Variants in ZNF131 observed in about 807,000 individuals in gnomAD.
ZNF131 encodes the protein zinc finger and BTB domain containing 35.
ZNF131 carries 7 observed loss-of-function variants against 60.0 expected under a neutral mutation model. The observed-to-expected ratio is 0.12, with a 90% confidence interval of 0.07 to 0.22. ZNF131 has a LOEUF of 0.22. Among genes scored for constraint, ZNF131 ranks in the 10% least tolerant of loss-of-function variants. The pLI is 1.00. For synonymous variants in ZNF131, 257 were observed against 253.2 expected, an observed-to-expected ratio of 1.01 and a Z score of -0.14; for missense variants, 493 against 740.9, an observed-to-expected ratio of 0.67 and a Z score of 3.88.
chr5:43,160,677 A>ATTTTTTTTTTTTTT (rs1749569232), intron 4 of ZNF131, among the ~76,000 whole-genome samples: 1 of 121,086 alleles, frequency 8.3e-6, no homozygotes, highest in African/African-American at 2.9e-5. Flanking sequence ...TTAGCTTGGA[A>ATTTTTTTTTTTTTT]CTTTTTTTTT....
intron 5 of ZNF131, among the ~76,000 whole-genome samples, chr5:43,169,720 A>G (rs1361689415): frequency 3.9e-5 from 6 of 152,074 alleles, no homozygotes; most frequent in Non-Finnish European, 8.8e-5. Flanking sequence ...ATACTTGTAC[A>G]TATGCCTTTT....
chr5:43,135,330 CTG>C (rs143091424), intron 3 of ZNF131, among the ~76,000 whole-genome samples: 14,745 of 152,022 alleles, frequency 0.097, 842 homozygotes, highest in East Asian at 0.19. Flanking sequence ...AATGAACTAT[CTG>C]GAAAGGAAAT....
chr5:43,165,915 A>G (rs1283271757), intron 5 of ZNF131, among the ~76,000 whole-genome samples: 1 of 152,256 alleles, frequency 6.6e-6, no homozygotes, highest in African/African-American at 2.4e-5. Context: ...TTAACTAGGT[A>G]TTCTGGATAA....
chr5:43,172,041 TTTGGCCTTGTAGGCC>T (rs1409892389), intron 5 of ZNF131, among the ~76,000 whole-genome samples: 1 of 152,242 alleles, frequency 6.6e-6, no homozygotes, highest in Non-Finnish European at 1.5e-5. Context: ...AGCCACCATG[TTTGGCCTTGTAGGCC>T]TTCTTAAAGG....
At chr5:43,139,053 T>G in intron 3 of ZNF131, 112 bp from the exon 4 acceptor site, 4 of 970,950 alleles carry the variant, frequency 4.1e-6, no homozygotes, top group Non-Finnish European at 5.6e-6. Context: ...GAAAATAGTT[T>G]TCAAAAATAA....
chr5:43,154,892 A>AG (rs1748771469), intron 4 of ZNF131, among the ~76,000 whole-genome samples: 1 of 152,224 alleles, frequency 6.6e-6, no homozygotes, highest in Non-Finnish European at 1.5e-5. Flanking sequence ...TCCAAGTAGC[A>AG]GACTAAACAG....
At position 43,161,312 on chromosome 5, in the gene ZNF131, G is replaced by A. The variant is rs202156596; in HGVS notation, c.435G>A (p.Arg145=). 366 of 1,613,466 alleles carry A rather than the reference G, an allele frequency of 2.3e-4. 1 individual carries two copies. Among genetic ancestry groups the A allele is most frequent in the Middle Eastern group, 8.2e-4 (5 of 6,084 alleles). Residue 145 remains arginine (R), a synonymous_variant, in exon 5 of 7, where the codon AGG becomes AGA. Transcript: ENST00000682664. ...CAGGAAAAAATGAGGCCAAAAAAAG[G>A]AAGATTGCAGAAACTTCAAATGTTA... is the stretch of plus-strand genomic sequence containing the variant. ...NTTGKNEAKK[R]KIAETSNVIT...
rs1749726232 is a variant in ZNF131 at position 43,161,800 on chromosome 5, A to G, written c.923A>G (p.Asn308Ser). The G allele has an allele frequency of 6.2e-7, 1 of 1,614,108 alleles. No homozygotes were observed. Among genetic ancestry groups the G allele is most frequent in the African/African-American group, 1.3e-5 (1 of 74,930 alleles). Residue 308 changes from asparagine (N) to serine (S), a missense_variant, in exon 5 of 7, where the codon AAT (asparagine) becomes AGT (serine). This residue lies in a region of ZNF131 where 26 missense variants were observed against 63.3 expected (regional missense o/e 0.41). Coordinates refer to ENST00000682664, the MANE Select transcript of ZNF131 (RefSeq NM_001330707.2). Reference sequence around the variant, plus strand: ...GAGAGCGCATGGAAACAGCACCTAAATTGTTACCACCTTGAAGAAGGTGGA... The same window carrying G: ...GAGAGCGCATGGAAACAGCACCTAAGTTGTTACCACCTTGAAGAAGGTGGA... ...LRESAWKQHL[N>S]CYHLEEGGVS...
chr5:43,145,846 T>G (rs1399860150), intron 4 of ZNF131, among the ~76,000 whole-genome samples: 2 of 152,204 alleles, frequency 1.3e-5, no homozygotes, highest in Non-Finnish European at 2.9e-5. Context: ...TAATAAATTC[T>G]AGTAGTTATT....
chr5:43,135,496 C>G (rs1479131380), intron 3 of ZNF131, among the ~76,000 whole-genome samples: 1 of 150,570 alleles, frequency 6.6e-6, no homozygotes, highest in African/African-American at 2.4e-5. Flanking sequence ...CGCCTGTAAT[C>G]CCAGCACTTT....
intron 4 of ZNF131, among the ~76,000 whole-genome samples, chr5:43,145,700 T>G (rs1273676367): frequency 6.6e-6 from 1 of 152,136 alleles, no homozygotes; most frequent in Non-Finnish European, 1.5e-5. Context: ...CCTCAACACT[T>G]GTACTTGAAA....
rs70991484 is a variant in ZNF131, at chr5:43,136,476, CTTTTTTTTTT to C, written c.227-2668_227-2659del. Among the ~76,000 whole-genome samples the C allele has an allele frequency of 6.8e-3, 475 of 70,068 alleles. 1 individual carries two copies. Among genetic ancestry groups the C allele is most frequent in the Middle Eastern group, 0.021 (2 of 94 alleles). The allele number at this position is 70,068 out of a possible 152,430, so 46.0% of individuals were successfully genotyped here. On this transcript the variant is annotated intron_variant, in intron 3 of 6. Transcript: ENST00000682664. The stretch of plus-strand genomic sequence containing the variant: ...AAAGAACAAAGCTAGAGGCATCATA[CTTTTTTTTTT>C]TTTTTTTTTTTTTTTTTTTTGAGGT...
chr5:43,141,624 C>T (rs1746833089), intron 4 of ZNF131, among the ~76,000 whole-genome samples: 1 of 152,026 alleles, frequency 6.6e-6, no homozygotes, highest in South Asian at 2.1e-4. Context: ...CAAAAATTAG[C>T]TGGCACTGTG....
intron 2 of ZNF131, 102 bp downstream of exon 2, chr5:43,122,279 T>TGGAGTGCAGTGG: frequency 7.4e-7 from 1 of 1,346,398 alleles, no homozygotes; most frequent in Non-Finnish European, 9.9e-7. Context: ...TAACCCATCC[T>TGGAGTGCAGTGG]CTATGGTCTC....
intron 2 of ZNF131, among the ~76,000 whole-genome samples, chr5:43,122,695 T>A (rs909485103): frequency 6.6e-6 from 1 of 152,210 alleles, no homozygotes. Context: ...CCAGCGTGGG[T>A]ATGTTTTCTG....
intron 4 of ZNF131, among the ~76,000 whole-genome samples, chr5:43,145,960 T>C (rs1747526388): frequency 6.6e-6 from 1 of 152,216 alleles, no homozygotes. Context: ...AGAATTGGTA[T>C]TGGAGCATTC....
In ZNF131 at chr5:43,173,393, C is replaced by T. The variant is rs1751229765; in HGVS notation, c.1130C>T (p.Ala377Val). The T allele has an allele frequency of 6.2e-7, 1 of 1,613,224 alleles. No individual in the cohort carries two copies. The highest frequency in any genetic ancestry group is 8.5e-7 in the Non-Finnish European group (1 of 1,179,446). The change falls in exon 6 of 7, where the codon GCA (alanine) becomes GTA (valine). Residue 377 changes from alanine (A) to valine (V), a missense_variant. Ala to Val is a moderately conservative substitution (Grantham distance 64). Transcript: ENST00000682664. ...RNSTLKCHLT[A>V]CQTGVGAKKG... ...AGCACTCTGAAATGTCACCTCACTG[C>T]ATGCCAAACTGGAGTAGGGGCAAAA...
intron 3 of ZNF131, among the ~76,000 whole-genome samples, chr5:43,129,921 G>T (rs1414484587): frequency 6.6e-6 from 1 of 151,696 alleles, no homozygotes; most frequent in African/African-American, 2.4e-5. Flanking sequence ...CTCCCAAAGT[G>T]CTGGGATTAG....
intron 4 of ZNF131, among the ~76,000 whole-genome samples, chr5:43,154,399 G>A (rs1183614410): frequency 6.6e-6 from 1 of 151,734 alleles, no homozygotes; most frequent in African/African-American, 2.4e-5. Flanking sequence ...GGGCTCCAGA[G>A]CGAGACTCCG....
Sources: allele counts gnomAD v4.1 joint callset (sites outside exome capture counted in the v4.1 genomes callset), GRCh38; gene constraint gnomAD v4.1.1; regional missense constraint gnomAD v4.1.1; transcripts MANE v1.5; gene names NCBI Gene and HGNC (gene_info 2026-07-23, HGNC 2026-07-21).